Variants in HSF5 observed in about 807,000 individuals in gnomAD.
HSF5 encodes heat shock transcription factor 5.
Under a neutral mutation model 50.8 loss-of-function variants are expected in HSF5, and 5 were observed. The ratio of observed to expected loss-of-function variants is 0.10; its 90% CI spans 0.05 to 0.21. HSF5 has a LOEUF of 0.21. Ranked by LOEUF, HSF5 falls within the 10% of genes least tolerant of loss-of-function variation. The pLI is 1.00. For missense variants in HSF5, 564 were observed against 762.6 expected, an observed-to-expected ratio of 0.74 and a Z score of 3.07; for synonymous variants, 307 against 307.4, an observed-to-expected ratio of 1.00 and a Z score of 0.02.
chr17:58,458,800 T>C lies in HSF5; in HGVS notation c.1688A>G (p.His563Arg), dbSNP rs748095521. 4 of 1,613,648 alleles carry C rather than the reference T, an allele frequency of 2.5e-6. No homozygotes were observed. The highest frequency in any genetic ancestry group is 4.5e-5 in the East Asian group (2 of 44,878). The change falls in exon 5 of 6, where the codon CAC (histidine) becomes CGC (arginine). Residue 563 changes from histidine (H) to arginine (R), a missense_variant. By Grantham distance (29) the His-to-Arg change is conservative. Coordinates refer to ENST00000323777, the MANE Select transcript of HSF5 (RefSeq NM_001080439.3). Reference protein sequence around the residue: ...GLATPARYREHRSNSQQGKSP... With the variant: ...GLATPARYRERRSNSQQGKSP... ...CTTTCCTTGTTGTGAGTTGCTTCTG[T>C]GCTCTCTGTATCTGGCTGGAGTGGC... is the stretch of plus-strand genomic sequence containing the variant.
At position 58,480,143 on chromosome 17, in the gene HSF5, T is replaced by C. The variant is rs765454999; in HGVS notation, c.675A>G (p.Pro225=). The C allele has an allele frequency of 6.2e-7, 1 of 1,614,198 alleles. No individual in the cohort carries two copies. The highest frequency in any genetic ancestry group is 8.5e-7 in the Non-Finnish European group (1 of 1,180,034). The change falls in exon 2 of 6, where the codon CCA becomes CCG. Residue 225 remains proline, a synonymous_variant. Transcript: ENST00000323777. ...TYPLKGLDRT[P]VPHRIWQNSL... ...AGTTCTGCCATATTCTATGAGGAAC[T>C]GGGGTCCGATCTAAACCTTTCAGAG...
chr17:58,433,667 G>T (rs1463391935), intron 5 of HSF5, among the ~76,000 whole-genome samples: 4 of 152,182 alleles, frequency 2.6e-5, no homozygotes, highest in African/African-American at 9.7e-5. Flanking sequence ...CAGGAAGGTT[G>T]AAATAATCTG....
At chr17:58,464,588 C>T (rs567423663) in intron 3 of HSF5, among the ~76,000 whole-genome samples, 2 of 152,244 alleles carry the variant, frequency 1.3e-5, no homozygotes, top group South Asian at 4.1e-4. Flanking sequence ...TTTATGTGTG[C>T]TTATTGCTAT....
At chr17:58,447,317 C>T (rs559217736) in intron 5 of HSF5, among the ~76,000 whole-genome samples, 15 of 152,208 alleles carry the variant, frequency 9.9e-5, no homozygotes, top group Non-Finnish European at 1.8e-4. Flanking sequence ...CAAGTCCCAG[C>T]CAGCTTCACC....
chr17:58,449,439 C>T (rs1039671627), intron 5 of HSF5, among the ~76,000 whole-genome samples: 4 of 152,240 alleles, frequency 2.6e-5, no homozygotes, highest in Non-Finnish European at 5.9e-5. Flanking sequence ...GTGGCTCATG[C>T]CTGTAATCCC....
intron 5 of HSF5, among the ~76,000 whole-genome samples, chr17:58,427,277 A>C (rs993648392): frequency 6.6e-6 from 1 of 152,108 alleles, no homozygotes; most frequent in African/African-American, 2.4e-5. Flanking sequence ...AACAAAATAA[A>C]AATAAAAATG....
At chr17:58,487,530 C>G (rs1355092518) in intron 1 of HSF5, among the ~76,000 whole-genome samples, 195 bp downstream of exon 1, 1 of 152,222 alleles carries the variant, frequency 6.6e-6, no homozygotes, top group Non-Finnish European at 1.5e-5. Context: ...GGGCCGGTGG[C>G]CACCGTGCTG....
intron 2 of HSF5, chr17:58,476,047 A>C (rs530022367): frequency 9.0e-6 from 4 of 444,960 alleles, no homozygotes; most frequent in Non-Finnish European, 1.6e-5. Flanking sequence ...CAAAAAAAAC[A>C]AAACCAAAAA....
At chr17:58,487,630 G>T in intron 1 of HSF5, 95 bp downstream of exon 1, 1 of 1,328,856 alleles carries the variant, frequency 7.5e-7, no homozygotes, top group Non-Finnish European at 9.5e-7. Flanking sequence ...GACGCCCATA[G>T]CGTGAGGACG....
At position 58,455,925 on chromosome 17, in the gene HSF5, G is replaced by A. The variant is rs1974704943; in HGVS notation, c.1720+2843C>T. Among the ~76,000 whole-genome samples, 3 of 152,008 alleles carry A rather than the reference G, an allele frequency of 2.0e-5. No individual in the cohort carries two copies. The South Asian group carries it at 6.2e-4, about 32-fold the overall frequency. On this transcript the variant is annotated intron_variant, in intron 5 of 5. Coordinates refer to ENST00000323777, the MANE Select transcript of HSF5 (RefSeq NM_001080439.3). Reference sequence around the variant, plus strand: ...TAGCATTATAGAAAAACAGTATGAAGGTTCTTAAAAAATTAAAAATAGAAC... The same window carrying A: ...TAGCATTATAGAAAAACAGTATGAAAGTTCTTAAAAAATTAAAAATAGAAC...
intron 5 of HSF5, among the ~76,000 whole-genome samples, chr17:58,441,512 A>G (rs905181126): frequency 6.6e-6 from 1 of 152,232 alleles, no homozygotes; most frequent in African/African-American, 2.4e-5. Context: ...AATAATATAG[A>G]TAAGAGTAGA....
intron 5 of HSF5, among the ~76,000 whole-genome samples, chr17:58,432,142 A>G (rs1974373061): frequency 6.6e-6 from 1 of 152,218 alleles, no homozygotes; most frequent in Non-Finnish European, 1.5e-5. Flanking sequence ...GTACATTAGT[A>G]AGATAAGAAT....
intron 5 of HSF5, among the ~76,000 whole-genome samples, chr17:58,451,005 C>T (rs1170221055): frequency 1.3e-5 from 2 of 152,106 alleles, no homozygotes; most frequent in Admixed American, 1.3e-4. Flanking sequence ...AGGAGAATCG[C>T]TTGAACCTGG....
intron 5 of HSF5, among the ~76,000 whole-genome samples, chr17:58,451,425 A>C (rs1025545725): frequency 8.5e-5 from 13 of 152,200 alleles, no homozygotes; most frequent in Non-Finnish European, 1.8e-4. Flanking sequence ...TCCAGAATAG[A>C]CCATACGTTA....
At chr17:58,424,289 A>G (rs1451740096) in intron 5 of HSF5, among the ~76,000 whole-genome samples, 1 of 152,218 alleles carries the variant, frequency 6.6e-6, no homozygotes, top group East Asian at 1.9e-4. Context: ...TGGTATACAC[A>G]TATAACGGAA....
intron 4 of HSF5, among the ~76,000 whole-genome samples, chr17:58,460,576 C>T (rs1449364941): frequency 6.6e-6 from 1 of 151,150 alleles, no homozygotes; most frequent in Non-Finnish European, 1.5e-5. Flanking sequence ...GTGGCGCGAT[C>T]TCAGCTCGCC....
intron 5 of HSF5, among the ~76,000 whole-genome samples, chr17:58,449,762 G>T (rs1283932501): frequency 6.6e-6 from 1 of 150,900 alleles, no homozygotes; most frequent in East Asian, 1.9e-4. Context: ...GGTGGCTCAC[G>T]CCTGTAATCC....
chr17:58,454,573 T>C (rs1974684110), intron 5 of HSF5, among the ~76,000 whole-genome samples: 2 of 152,200 alleles, frequency 1.3e-5, no homozygotes, highest in Admixed American at 6.5e-5. Flanking sequence ...CATGATCATA[T>C]ACATAGAAAA....
At chr17:58,449,820 G>A (rs11655565) in intron 5 of HSF5, among the ~76,000 whole-genome samples, 37,333 of 150,236 alleles carry the variant, frequency 0.25, 5,099 homozygotes, top group South Asian at 0.36. Flanking sequence ...TCAGGAGATC[G>A]AGACCATCCC....
Sources: gnomAD v4.1 joint callset for allele counts (sites outside exome capture counted in the v4.1 genomes callset) on GRCh38, gnomAD v4.1.1 for gene constraint, MANE v1.5 for transcripts, NCBI Gene and HGNC (gene_info 2026-07-23, HGNC 2026-07-21) for gene names.